Variants in DNAH11 observed in about 807,000 individuals in gnomAD.
The protein encoded by DNAH11 is axonemal beta dynein heavy chain 11.
DNAH11 carries 442 observed loss-of-function variants against 526.0 expected under a neutral mutation model. That is an observed-to-expected ratio of 0.84 (90% CI 0.78 to 0.91). The LOEUF (loss-of-function observed/expected upper bound fraction) is 0.91, where lower values mean the gene tolerates loss of function less well. DNAH11 is among the 40% of genes least tolerant of loss of function. The pLI, the probability that DNAH11 is intolerant of heterozygous loss-of-function variation, is 0.00. For missense variants in DNAH11, 6,989 were observed against 5,448.7 expected, an observed-to-expected ratio of 1.28 and a Z score of -8.90; for synonymous variants, 2,461 against 1,935.9, an observed-to-expected ratio of 1.27 and a Z score of -7.12.
chr7:21,888,487 A>AT (rs201335780), intron 76 of DNAH11, among the ~76,000 whole-genome samples: 2,509 of 150,656 alleles, frequency 0.017, 31 homozygotes, highest in South Asian at 0.029. Flanking sequence ...GATGATTTCA[A>AT]TTTTTTTTTT....
intron 28 of DNAH11, among the ~76,000 whole-genome samples, chr7:21,649,897 C>T (rs1363091240): frequency 6.6e-6 from 1 of 152,098 alleles, no homozygotes; most frequent in Non-Finnish European, 1.5e-5. Flanking sequence ...AACTTCTGGC[C>T]TCAGGTGATC....
intron 65 of DNAH11, among the ~76,000 whole-genome samples, chr7:21,842,196 C>G (rs1277135745): frequency 2.6e-5 from 4 of 152,132 alleles, no homozygotes; most frequent in African/African-American, 9.7e-5. Flanking sequence ...CTTAAAGTCA[C>G]AGTTTGCAAG....
intron 66 of DNAH11, among the ~76,000 whole-genome samples, chr7:21,846,537 C>T (rs1001534121): frequency 6.6e-6 from 1 of 152,110 alleles, no homozygotes; most frequent in Non-Finnish European, 1.5e-5. Flanking sequence ...TTGAACCAGA[C>T]TTGCATACCT....
At chr7:21,615,741 C>A (rs914971359) in intron 21 of DNAH11, among the ~76,000 whole-genome samples, 2 of 151,920 alleles carry the variant, frequency 1.3e-5, no homozygotes, top group Non-Finnish European at 2.9e-5. Context: ...CATATTGCAA[C>A]AAGCACTATA....
chr7:21,587,974 C>T, intron 9 of DNAH11, 90 bp from the exon 10 acceptor site: 3 of 1,223,222 alleles, frequency 2.5e-6, no homozygotes, highest in Non-Finnish European at 2.2e-6. Flanking sequence ...AAACTTTAGT[C>T]ATGTAAGAGG....
At chr7:21,778,741 CT>C (rs1181747843) in intron 56 of DNAH11, among the ~76,000 whole-genome samples, 2 of 152,180 alleles carry the variant, frequency 1.3e-5, no homozygotes, top group Non-Finnish European at 2.9e-5. Context: ...ATTATATTTC[CT>C]GCAAAATCAT....
chr7:21,631,797 G>A lies in DNAH11; in HGVS notation c.4501-4074G>A, dbSNP rs150506344. ...TATCTGCAGCTTTTCCAGGTGCACA[G>A]TACAAGCTGTCGGTGGATCTACCTT... On this transcript the variant is annotated intron_variant, in intron 25 of 81. Transcript: ENST00000409508. Among the ~76,000 whole-genome samples, 975 of 152,310 alleles carry A rather than the reference G, an allele frequency of 6.4e-3. 12 individuals carry two copies. Among genetic ancestry groups the A allele is most frequent in the African/African-American group, 0.022 (934 of 41,564 alleles).
chr7:21,798,488 T>C (rs1393853619), intron 61 of DNAH11, among the ~76,000 whole-genome samples: 1 of 152,232 alleles, frequency 6.6e-6, no homozygotes, highest in Admixed American at 6.5e-5. Flanking sequence ...GTATTTACTC[T>C]GTCTCTTCAC....
At chr7:21,692,684 A>G (rs1428440111) in intron 35 of DNAH11, among the ~76,000 whole-genome samples, 1 of 152,208 alleles carries the variant, frequency 6.6e-6, no homozygotes, top group Non-Finnish European at 1.5e-5. Flanking sequence ...TGGGACAGAT[A>G]TCTATGGCTG....
At chr7:21,897,869 G>T (rs536757659) in intron 79 of DNAH11, among the ~76,000 whole-genome samples, 2 of 151,974 alleles carry the variant, frequency 1.3e-5, no homozygotes, top group Non-Finnish European at 1.5e-5. Context: ...CACCTGCCTC[G>T]GCCTCCCAAA....
intron 55 of DNAH11, among the ~76,000 whole-genome samples, chr7:21,766,015 G>A (rs1230250129): frequency 6.6e-6 from 1 of 152,094 alleles, no homozygotes; most frequent in Non-Finnish European, 1.5e-5. Flanking sequence ...ACCAAGTAAG[G>A]CAATGAATTG....
intron 72 of DNAH11, 28 bp downstream of exon 72, chr7:21,868,035 G>T: frequency 6.9e-7 from 1 of 1,452,970 alleles, no homozygotes; most frequent in Non-Finnish European, 9.1e-7. Context: ...TCGCTGGCCC[G>T]CCCCTTCTCC....
intron 42 of DNAH11, among the ~76,000 whole-genome samples, chr7:21,712,711 G>A (rs547007334): frequency 2.0e-5 from 3 of 152,188 alleles, no homozygotes; most frequent in African/African-American, 4.8e-5. Context: ...TCTTTGCCCA[G>A]TTTTTAATCG....
chr7:21,862,764 A>G (rs1239952931), intron 69 of DNAH11, among the ~76,000 whole-genome samples: 3 of 152,164 alleles, frequency 2.0e-5, no homozygotes, highest in Admixed American at 6.5e-5. Context: ...ATGAATTTCT[A>G]TGAAAGACTT....
At position 21,744,498 on chromosome 7, in the gene DNAH11, C is replaced by T; in HGVS notation, c.8215C>T (p.Leu2739Phe). 2 of 1,613,890 alleles carry T rather than the reference C, an allele frequency of 1.2e-6. No homozygotes were observed. The highest frequency in any genetic ancestry group is 1.7e-6 in the Non-Finnish European group (2 of 1,179,830). The change falls in exon 50 of 82, where the codon CTT becomes TTT. Residue 2739 changes from leucine to phenylalanine, a missense_variant. Physicochemically the swap from Leu to Phe is conservative, Grantham distance 22 (BLOSUM62 0). Transcript: ENST00000409508. ...KGPLDLIHLW[L>F]HESARVYGDK... The stretch of plus-strand genomic sequence containing the variant: ...TCCACTTGATTTAATACATCTGTGG[C>T]TTCATGAATCTGCCCGTGTTTATGG...
chr7:21,706,175 C>A (rs143437552), intron 39 of DNAH11, among the ~76,000 whole-genome samples: 2 of 152,078 alleles, frequency 1.3e-5, no homozygotes, highest in East Asian at 1.9e-4. Context: ...ATGATTTACT[C>A]GGCACAACAA....
intron 47 of DNAH11, among the ~76,000 whole-genome samples, 196 bp downstream of exon 47, chr7:21,739,062 G>A (rs1393755142): frequency 3.9e-5 from 6 of 152,144 alleles, no homozygotes; most frequent in Non-Finnish European, 8.8e-5. Context: ...CATATTAAGT[G>A]TAATAGTTTC....
At chr7:21,718,060 G>GC (rs1302482834) in intron 43 of DNAH11, 135 bp downstream of exon 43, 1 of 1,207,230 alleles carries the variant, frequency 8.3e-7, no homozygotes, top group East Asian at 2.5e-5. Flanking sequence ...CAACCCTCTT[G>GC]CCCCCGCCCC....
intron 27 of DNAH11, among the ~76,000 whole-genome samples, chr7:21,638,602 T>C (rs1199422607): frequency 1.3e-5 from 2 of 152,102 alleles, no homozygotes; most frequent in African/African-American, 4.8e-5. Flanking sequence ...GGCGACCTAG[T>C]CTTCTCCACT....
Sources: allele counts gnomAD v4.1 joint callset (sites outside exome capture counted in the v4.1 genomes callset), GRCh38; gene constraint gnomAD v4.1.1; transcripts MANE v1.5; gene names NCBI Gene and HGNC (gene_info 2026-07-23, HGNC 2026-07-21).